TLR5: variants seen among roughly 807,000 people sequenced by gnomAD.
The protein encoded by TLR5 is toll-like receptor 5.
For missense variants in TLR5, 944 were observed against 999.8 expected, an observed-to-expected ratio of 0.94 and a Z score of 0.75; for synonymous variants, 373 against 384.4, an observed-to-expected ratio of 0.97 and a Z score of 0.35.
chr1:223,123,616 C>CCAGGTGAG (rs1331731986), intron 5 of TLR5: 9 of 152,386 alleles, frequency 5.9e-5, no homozygotes, highest in African/African-American at 1.7e-4. Flanking sequence ...AGCAGAGGAA[C>CCAGGTGAG]CAGGTGAGCA....
chr1:223,111,965 A>G lies in TLR5; in HGVS notation c.1067T>C (p.Phe356Ser). 6.2e-7 allele frequency: 1 copy of G among 1,614,210 alleles called. No individual in the cohort carries two copies. The highest frequency in any genetic ancestry group is 8.5e-7 in the Non-Finnish European group (1 of 1,180,040). Residue 356 changes from phenylalanine to serine, a missense_variant, in exon 6 of 6, where the codon TTC (phenylalanine) becomes TCC (serine). Transcript: ENST00000642603. Reference sequence around the variant, plus strand: ...GTAGGCTACCTTAGGTAGTCCATAGAAATTCGAACTGTAAAGTTCCCCCAG... The same window carrying G: ...GTAGGCTACCTTAGGTAGTCCATAGGAATTCGAACTGTAAAGTTCCCCCAG... ...NLLGELYSSN[F>S]YGLPKVAYID...
At position 223,111,257 on chromosome 1, in the gene TLR5, T is replaced by A. The variant is rs2072493; in HGVS notation, c.1775A>T (p.Asn592Ile). ...ICECELSTFI[N>I]WLNHTNVTIA... ...AGTGACATTGGTGTGATTAAGCCAATTGATAAAAGTGCTAAGTTCACATTC... is the reference window on the plus strand; with the variant it reads ...AGTGACATTGGTGTGATTAAGCCAAATGATAAAAGTGCTAAGTTCACATTC... The change falls in exon 6 of 6, where the codon AAT (asparagine) becomes ATT (isoleucine). Residue 592 changes from asparagine (N) to isoleucine (I), a missense_variant. Coordinates refer to ENST00000642603, the MANE Select transcript of TLR5 (RefSeq NM_003268.6). The A allele has an allele frequency of 6.2e-7, 1 of 1,614,004 alleles. No individual in the cohort carries two copies. Among genetic ancestry groups the A allele is most frequent in the Non-Finnish European group, 8.5e-7 (1 of 1,179,978 alleles).
chr1:223,124,824 G>A (rs559740021), intron 5 of TLR5, among the ~76,000 whole-genome samples: 2 of 152,008 alleles, frequency 1.3e-5, no homozygotes, highest in Non-Finnish European at 2.9e-5. Flanking sequence ...GGCTGGTCTC[G>A]ATCTTCTGAC....
At chr1:223,115,557 A>G (rs1656586476) in intron 5 of TLR5, among the ~76,000 whole-genome samples, 1 of 152,168 alleles carries the variant, frequency 6.6e-6, no homozygotes, top group Non-Finnish European at 1.5e-5. Flanking sequence ...AGCCTCAGGC[A>G]TTGTTTTAGG....
intron 5 of TLR5, among the ~76,000 whole-genome samples, chr1:223,123,062 C>G (rs1657014983): frequency 6.6e-6 from 1 of 152,116 alleles, no homozygotes. Flanking sequence ...TTAAGTGACT[C>G]TAAGATATAA....
chr1:223,143,243 G>C lies in TLR5; in HGVS notation c.-602C>G, dbSNP rs1448695785. ...GCCTGCGCCACGGTTGGCTCCTCCCGGACGCAAAAGCGGCGCCCTCGCTCG... is the reference window on the plus strand; with the variant it reads ...GCCTGCGCCACGGTTGGCTCCTCCCCGACGCAAAAGCGGCGCCCTCGCTCG... On this transcript the variant is annotated 5_prime_UTR_variant, in exon 1 of 6. Coordinates refer to ENST00000642603, the MANE Select transcript of TLR5 (RefSeq NM_003268.6). The C allele has an allele frequency of 6.6e-6, 1 of 152,228 alleles. No homozygotes were observed. The highest frequency in any genetic ancestry group is 2.4e-5 in the African/African-American group (1 of 41,464). The allele number at this position is 152,228 out of a possible 1,614,324, so 9.4% of individuals were successfully genotyped here.
At chr1:223,125,576 T>G (rs1441736701) in intron 5 of TLR5, among the ~76,000 whole-genome samples, 1 of 150,688 alleles carries the variant, frequency 6.6e-6, no homozygotes, top group Non-Finnish European at 1.5e-5. Flanking sequence ...ACAGATGCAT[T>G]AAATGAGCCT....
Position 223,110,563 on chromosome 1 carries a change from C to T in TLR5, c.2469G>A (p.Gln823=). Residue 823 remains glutamine (Q), a synonymous_variant, in exon 6 of 6, where the codon CAG becomes CAA. Coordinates refer to ENST00000642603, the MANE Select transcript of TLR5 (RefSeq NM_003268.6). Reference sequence around the variant, plus strand: ...GTTTATGAAGAAACCAGCCAACATCCTGGAGATCCTCAGGCCACCTCAAAT... The same window carrying T: ...GTTTATGAAGAAACCAGCCAACATCTTGGAGATCCTCAGGCCACCTCAAAT... ...QQYLRWPEDL[Q]DVGWFLHKLS... 1.2e-6 allele frequency: 2 copies of T among 1,614,086 alleles called. No individual in the cohort carries two copies. The highest frequency in any genetic ancestry group is 1.1e-5 in the South Asian group (1 of 91,080).
intron 5 of TLR5, among the ~76,000 whole-genome samples, chr1:223,124,251 C>T (rs1488779949): frequency 6.6e-6 from 1 of 152,054 alleles, no homozygotes; most frequent in African/African-American, 2.4e-5. Context: ...CGAGACCAGT[C>T]TGGACAACAC....
chr1:223,116,580 T>C (rs917018148), intron 5 of TLR5, among the ~76,000 whole-genome samples: 1 of 152,104 alleles, frequency 6.6e-6, no homozygotes, highest in African/African-American at 2.4e-5. Context: ...CCTTCCACGG[T>C]GTGAAAGACG....
At chr1:223,142,974 C>A (rs1272202591) in intron 1 of TLR5, among the ~76,000 whole-genome samples, 1 of 152,204 alleles carries the variant, frequency 6.6e-6, no homozygotes, top group African/African-American at 2.4e-5. Flanking sequence ...GACACGCTCA[C>A]CCCGTCCCTG....
At chr1:223,126,202 A>G (rs1266852474) in intron 5 of TLR5, among the ~76,000 whole-genome samples, 1 of 152,242 alleles carries the variant, frequency 6.6e-6, no homozygotes, top group Non-Finnish European at 1.5e-5. Context: ...CACACGGTAC[A>G]AGACGGATGA....
At position 223,112,734 on chromosome 1, in the gene TLR5, A is replaced by G; in HGVS notation, c.298T>C (p.Leu100=). ...AFRNLPNLRI[L]DLGSSKIYFL... ...TATATCTTACTACTTCCCAGGTCCAAGATTCTAAGGTTGGGCAGGTTTCTG... is the reference window on the plus strand; with the variant it reads ...TATATCTTACTACTTCCCAGGTCCAGGATTCTAAGGTTGGGCAGGTTTCTG... The change falls in exon 6 of 6, where the codon TTG becomes CTG. Residue 100 remains leucine, a synonymous_variant. Transcript: ENST00000642603. The G allele has an allele frequency of 6.2e-7, 1 of 1,614,202 alleles. No homozygotes were observed. Among genetic ancestry groups the G allele is most frequent in the East Asian group, 2.2e-5 (1 of 44,884 alleles).
chr1:223,117,705 A>G (rs535846202), intron 5 of TLR5, among the ~76,000 whole-genome samples: 12 of 152,338 alleles, frequency 7.9e-5, no homozygotes, highest in African/African-American at 1.7e-4. Context: ...GTAACACTCT[A>G]AAAGCCGTGG....
chr1:223,116,219 G>A (rs1656632821), intron 5 of TLR5, among the ~76,000 whole-genome samples: 1 of 152,172 alleles, frequency 6.6e-6, no homozygotes, highest in African/African-American at 2.4e-5. Context: ...GTGAAGTCGT[G>A]GACCCTCACG....
At chr1:223,140,969 G>A (rs978176427) in intron 2 of TLR5, among the ~76,000 whole-genome samples, 1 of 152,240 alleles carries the variant, frequency 6.6e-6, no homozygotes, top group East Asian at 1.9e-4. Flanking sequence ...TTGTCCCAGA[G>A]AGCGGAAGAC....
intron 5 of TLR5, chr1:223,123,855 C>T (rs1657046117): frequency 6.6e-6 from 1 of 152,244 alleles, no homozygotes; most frequent in South Asian, 2.1e-4. Flanking sequence ...GAGGTTGCCG[C>T]TGCAAAGGCG....
intron 3 of TLR5, 90 bp downstream of exon 3, chr1:223,137,081 CCAAAGTG>C (rs1657644136): frequency 6.6e-6 from 1 of 152,346 alleles, no homozygotes; most frequent in South Asian, 2.1e-4. Flanking sequence ...CCTCAGCATC[CCAAAGTG>C]CTGGAATTAC....
At chr1:223,125,431 CAG>C (rs1657127215) in intron 5 of TLR5, among the ~76,000 whole-genome samples, 1 of 152,156 alleles carries the variant, frequency 6.6e-6, no homozygotes, top group Non-Finnish European at 1.5e-5. Context: ...GGGACTTGGG[CAG>C]AGTGTGTCAC....
Sources: gnomAD v4.1 joint callset for allele counts (sites outside exome capture counted in the v4.1 genomes callset) on GRCh38, gnomAD v4.1.1 for gene constraint, MANE v1.5 for transcripts, NCBI Gene and HGNC (gene_info 2026-07-23, HGNC 2026-07-21) for gene names.